EHD4: variants seen among roughly 807,000 people sequenced by gnomAD.
EHD4 encodes EH domain-containing protein 4.
A neutral mutation model predicts 51.0 loss-of-function variants in EHD4; 37 were observed. That is an observed-to-expected ratio of 0.73 (90% CI 0.56 to 0.95). The LOEUF (loss-of-function observed/expected upper bound fraction) is 0.95. EHD4 is among the 40% of genes least tolerant of loss of function. The probability of loss-of-function intolerance (pLI) is 0.00; values close to 1 mark genes in which losing one functional copy is unlikely to be tolerated. For missense variants in EHD4, 632 were observed against 733.1 expected (o/e 0.86, Z 1.59); for synonymous variants, 297 against 317.3 (o/e 0.94, Z 0.68).
At chr15:41,953,174 C>G (rs976899239) in intron 2 of EHD4, among the ~76,000 whole-genome samples, 1 of 151,914 alleles carries the variant, frequency 6.6e-6, no homozygotes, top group African/African-American at 2.4e-5. Flanking sequence ...TGGGTAAAAT[C>G]CGAGTGTCCG....
intron 4 of EHD4, among the ~76,000 whole-genome samples, chr15:41,914,040 A>ATG (rs5812208): frequency 8.5e-4 from 128 of 150,634 alleles, no homozygotes; most frequent in East Asian, 2.5e-3. Context: ...GTGTCCAATG[A>ATG]TGTGTGTGTG....
At position 41,972,396 on chromosome 15, in the gene EHD4, C is replaced by T. The variant is rs1178928213; in HGVS notation, c.99G>A (p.Leu33=). The change falls in exon 1 of 6, where the codon CTG becomes CTA. Residue 33 remains leucine (L), a synonymous_variant. Transcript: ENST00000220325. Reference sequence around the variant, plus strand: ...CCTCCTCCAGCGGCAGCACCTTGCGCAGGTAGAGCGAGCGCAGCCCGCCCG... The same window carrying T: ...CCTCCTCCAGCGGCAGCACCTTGCGTAGGTAGAGCGAGCGCAGCCCGCCCG... ...TVTGGLRSLY[L]RKVLPLEEAY... 1.2e-6 allele frequency: 2 copies of T among 1,610,670 alleles called. No homozygotes were observed. Among genetic ancestry groups the T allele is most frequent in the South Asian group, 2.2e-5 (2 of 90,720 alleles).
intron 1 of EHD4, among the ~76,000 whole-genome samples, chr15:41,970,664 AGCAGGG>A (rs1192126441): frequency 1.3e-5 from 2 of 152,242 alleles, no homozygotes; most frequent in African/African-American, 4.8e-5. Flanking sequence ...CACAGCATCT[AGCAGGG>A]GCTCCCTGAT....
chr15:41,965,602 A>G (rs2067956474), intron 1 of EHD4, among the ~76,000 whole-genome samples: 1 of 152,214 alleles, frequency 6.6e-6, no homozygotes, highest in Non-Finnish European at 1.5e-5. Flanking sequence ...AGCCTGACCC[A>G]CAGAGATTTC....
At chr15:41,904,043 G>A (rs1378826544) in intron 5 of EHD4, among the ~76,000 whole-genome samples, 6 of 152,284 alleles carry the variant, frequency 3.9e-5, no homozygotes, top group East Asian at 3.9e-4. Context: ...AGGAGCAGGC[G>A]TCCCCCACAA....
At chr15:41,919,128 C>T in intron 4 of EHD4, 82 bp downstream of exon 4, 1 of 1,566,780 alleles carries the variant, frequency 6.4e-7, no homozygotes, top group Non-Finnish European at 8.7e-7. Context: ...GGAACGAAGC[C>T]TCCTCCCACC....
intron 3 of EHD4, among the ~76,000 whole-genome samples, chr15:41,931,918 G>A (rs562487505): frequency 2.8e-4 from 43 of 151,836 alleles, no homozygotes; most frequent in African/African-American, 2.2e-4. Context: ...CTCGTGATCC[G>A]CCCACCTCAG....
chr15:41,904,684 T>TG (rs950169818), intron 5 of EHD4, among the ~76,000 whole-genome samples: 6 of 152,190 alleles, frequency 3.9e-5, no homozygotes, highest in Non-Finnish European at 5.9e-5. Context: ...TCTGAGCAGA[T>TG]GGGGCTGACT....
At position 41,919,464 on chromosome 15, in the gene EHD4, C is replaced by A; in HGVS notation, c.670G>T (p.Ala224Ser). ...AGCTGCTGCGTGTCCACTTGGTCGG[C>A]CTTGTTCAGCACGACACGGATCTTG... is the stretch of plus-strand genomic sequence containing the variant. Reference protein sequence around the residue: ...DDKIRVVLNKADQVDTQQLMR... With the variant: ...DDKIRVVLNKSDQVDTQQLMR... The change falls in exon 4 of 6, where the codon GCC (alanine) becomes TCC (serine). Residue 224 changes from alanine to serine, a missense_variant. Coordinates refer to ENST00000220325, the MANE Select transcript of EHD4 (RefSeq NM_139265.4). The A allele has an allele frequency of 6.4e-7, 1 of 1,571,616 alleles. No homozygotes were observed. Among genetic ancestry groups the A allele is most frequent in the Non-Finnish European group, 8.6e-7 (1 of 1,158,744 alleles).
intron 2 of EHD4, among the ~76,000 whole-genome samples, chr15:41,944,762 T>C (rs541156587): frequency 3.0e-4 from 45 of 152,338 alleles, no homozygotes; most frequent in African/African-American, 1.0e-3. Flanking sequence ...TGCAACCTAC[T>C]GTTTCTGATG....
At chr15:41,963,729 A>AT (rs2067942838) in intron 1 of EHD4, among the ~76,000 whole-genome samples, 1 of 152,212 alleles carries the variant, frequency 6.6e-6, no homozygotes, top group Non-Finnish European at 1.5e-5. Flanking sequence ...AATATTAAAT[A>AT]TATCTGCATG....
chr15:41,955,972 G>A (rs1595544783), intron 1 of EHD4, among the ~76,000 whole-genome samples: 1 of 152,212 alleles, frequency 6.6e-6, no homozygotes, highest in Non-Finnish European at 1.5e-5. Flanking sequence ...GCTATGTCTG[G>A]AGGCTGGTAT....
intron 2 of EHD4, among the ~76,000 whole-genome samples, chr15:41,951,106 T>C (rs1451462356): frequency 6.6e-6 from 1 of 152,132 alleles, no homozygotes; most frequent in East Asian, 1.9e-4. Context: ...CTGGCCTGGG[T>C]TCCAGTCCCA....
chr15:41,919,186 T>C (rs2067605621), intron 4 of EHD4, 24 bp downstream of exon 4: 1 of 1,612,710 alleles, frequency 6.2e-7, no homozygotes, highest in East Asian at 2.2e-5. Context: ...CCCTGGCCTC[T>C]GTGCAAGGCA....
Position 41,900,636 on chromosome 15 carries a change from G to A in EHD4, c.*9C>T. 1 of 1,576,426 alleles carries A rather than the reference G, an allele frequency of 6.3e-7. No homozygotes were observed. The highest frequency in any genetic ancestry group is 1.3e-5 in the African/African-American group (1 of 74,696). On this transcript the variant is annotated 3_prime_UTR_variant, in exon 6 of 6. Coordinates refer to ENST00000220325, the MANE Select transcript of EHD4 (RefSeq NM_139265.4). The surrounding 1 kb of genome is among the most constrained non-coding windows in gnomAD (Gnocchi z 4.8). ...CCCCCAGTTCCCACCCCGTTCTGCA[G>A]CCCACCCCTCAGTCGGCCTTGGGCA...
In EHD4 at chr15:41,897,282, C is replaced by T. The variant is rs2067445192; in HGVS notation, c.*3363G>A. On this transcript the variant is annotated 3_prime_UTR_variant, in exon 6 of 6. Coordinates refer to ENST00000220325, the MANE Select transcript of EHD4 (RefSeq NM_139265.4). Reference sequence around the variant, plus strand: ...TCTTCAAGGCAATTGTCTCAGGCATCCTCCAGGCATCATGAAGGAGGGTGA... The same window carrying T: ...TCTTCAAGGCAATTGTCTCAGGCATTCTCCAGGCATCATGAAGGAGGGTGA... 1 of 152,224 alleles carries T rather than the reference C, an allele frequency of 6.6e-6. No individual in the cohort carries two copies. The highest frequency in any genetic ancestry group is 2.4e-5 in the African/African-American group (1 of 41,432). The allele number at this position is 152,224 out of a possible 1,614,324, so 9.4% of individuals were successfully genotyped here.
chr15:41,916,260 A>T (rs978615209), intron 4 of EHD4, among the ~76,000 whole-genome samples: 1 of 152,210 alleles, frequency 6.6e-6, no homozygotes, highest in Non-Finnish European at 1.5e-5. Context: ...CACAGGGAGG[A>T]GGTACTGTAG....
chr15:41,936,564 A>G (rs1450430465), intron 3 of EHD4, among the ~76,000 whole-genome samples: 2 of 152,256 alleles, frequency 1.3e-5, no homozygotes, highest in African/African-American at 4.8e-5. Flanking sequence ...AAACATAAAT[A>G]TGAAATGCTC....
chr15:41,958,677 C>G (rs962882364), intron 1 of EHD4, among the ~76,000 whole-genome samples: 1 of 152,168 alleles, frequency 6.6e-6, no homozygotes, highest in African/African-American at 2.4e-5. Context: ...CCAAACAAAT[C>G]TAAGTGGCAC....
Sources: allele counts gnomAD v4.1 joint callset (sites outside exome capture counted in the v4.1 genomes callset), GRCh38; gene constraint gnomAD v4.1.1; non-coding constraint Gnocchi (gnomAD v3.1); transcripts MANE v1.5; gene names NCBI Gene and HGNC (gene_info 2026-07-23, HGNC 2026-07-21).